Variants in MLPH observed in about 807,000 individuals in gnomAD.
MLPH encodes exophilin-3.
Under a neutral mutation model 72.1 loss-of-function variants are expected in MLPH, and 51 were observed. The observed-to-expected ratio is 0.71, with a 90% CI of 0.56 to 0.89. The LOEUF (loss-of-function observed/expected upper bound fraction) is 0.89. MLPH is among the 40% of genes least tolerant of loss of function. The probability of loss-of-function intolerance (pLI) is 0.00; values close to 1 mark genes in which losing one functional copy is unlikely to be tolerated. For missense variants in MLPH, 743 were observed against 759.9 expected, an observed-to-expected ratio of 0.98 and a Z score of 0.26; for synonymous variants, 301 against 310.1, an observed-to-expected ratio of 0.97 and a Z score of 0.31.
At chr2:237,509,123 A>C (rs983260389) in intron 2 of MLPH, among the ~76,000 whole-genome samples, 1 of 152,142 alleles carries the variant, frequency 6.6e-6, no homozygotes, top group South Asian at 2.1e-4. Flanking sequence ...GGTCTCCCCA[A>C]ATGGAGTCTT....
chr2:237,495,857 G>T (rs1371054595), intron 2 of MLPH, among the ~76,000 whole-genome samples: 1 of 152,194 alleles, frequency 6.6e-6, no homozygotes, highest in East Asian at 1.9e-4. Context: ...GCATGCAGCT[G>T]ACCGCAGGGC....
At position 237,505,478 on chromosome 2, in the gene MLPH, TC is replaced by T. The variant is rs979528278; in HGVS notation, c.111-5091del. Among the ~76,000 whole-genome samples, 15 of 152,054 alleles carry T rather than the reference TC, an allele frequency of 9.9e-5. No homozygotes were observed. The highest frequency in any genetic ancestry group is 3.9e-4 in the Admixed American group (6 of 15,276). On this transcript the variant is annotated intron_variant, in intron 2 of 15. Coordinates refer to ENST00000264605, the MANE Select transcript of MLPH (RefSeq NM_024101.7). This position sits in a 1 kb window ranked among gnomAD's most constrained non-coding sequence, Gnocchi z 4.5. ...CCACAGGACCCCTCATGCAGGCTCTTCCCCCGCCTGTGTGCTGGACCTTGGG... is the reference window on the plus strand; with the variant it reads ...CCACAGGACCCCTCATGCAGGCTCTTCCCCGCCTGTGTGCTGGACCTTGGG...
At chr2:237,551,617 C>T (rs1023258931) in intron 14 of MLPH, among the ~76,000 whole-genome samples, 1 of 152,236 alleles carries the variant, frequency 6.6e-6, no homozygotes. Flanking sequence ...AGCCATGGCC[C>T]CAGGAGGTGC....
intron 2 of MLPH, among the ~76,000 whole-genome samples, chr2:237,495,127 CCTCT>C (rs937653978): frequency 6.6e-6 from 1 of 152,158 alleles, no homozygotes; most frequent in Non-Finnish European, 1.5e-5. Flanking sequence ...TCTGCCACTG[CCTCT>C]CTCTCACCCT....
At chr2:237,542,538 C>T (rs959439987) in intron 11 of MLPH, 29 bp from the exon 12 acceptor site, 59 of 1,548,362 alleles carry the variant, frequency 3.8e-5, no homozygotes, top group East Asian at 2.3e-4. Context: ...GTCTGTCTGA[C>T]GGGCCTTCTG....
chr2:237,506,170 T>C (rs768816346), intron 2 of MLPH, among the ~76,000 whole-genome samples: 6 of 152,250 alleles, frequency 3.9e-5, no homozygotes, highest in African/African-American at 7.2e-5. Context: ...GTCATATCTA[T>C]TAATATTTAC....
chr2:237,542,687 A>C (rs1481299733), intron 12 of MLPH, 28 bp downstream of exon 12: 2 of 1,135,144 alleles, frequency 1.8e-6, no homozygotes, highest in African/African-American at 1.7e-5. Flanking sequence ...GTGAGTGGAG[A>C]CAGTGCTGAG....
intron 2 of MLPH, among the ~76,000 whole-genome samples, chr2:237,500,686 C>T (rs2079627120): frequency 6.6e-6 from 1 of 152,038 alleles, no homozygotes; most frequent in South Asian, 2.1e-4. Context: ...TTCTCCTCCA[C>T]CTCCAAGCAC....
chr2:237,504,958 G>A lies in MLPH; in HGVS notation c.111-5616G>A, dbSNP rs115853991. ...CCCACCCCTTGAGCAGCAAGACAGT[G>A]CAAGCTTCAGGGCTTCAGATCTCCC... is the stretch of plus-strand genomic sequence containing the variant. On this transcript the variant is annotated intron_variant, in intron 2 of 15. Coordinates refer to ENST00000264605, the MANE Select transcript of MLPH (RefSeq NM_024101.7). Among the ~76,000 whole-genome samples, 1,070 of 152,288 alleles carry A rather than the reference G, an allele frequency of 7.0e-3. 8 individuals are homozygous for A. Among genetic ancestry groups the A allele is most frequent in the African/African-American group, 0.024 (1,010 of 41,564 alleles).
At position 237,495,737 on chromosome 2, in the gene MLPH, C is replaced by T. The variant is rs544512327; in HGVS notation, c.110+2201C>T. Among the ~76,000 whole-genome samples the T allele has an allele frequency of 5.9e-5, 9 of 152,292 alleles. No individual in the cohort carries two copies. In the East Asian group the frequency reaches 9.7e-4, roughly 16 times the overall value. ...TTCATTATAGCCCAGGTTTCACCACCGGCCTCGGGGGAGGGCCCAACCTGC... is the reference window on the plus strand; with the variant it reads ...TTCATTATAGCCCAGGTTTCACCACTGGCCTCGGGGGAGGGCCCAACCTGC... On this transcript the variant is annotated intron_variant, in intron 2 of 15. Transcript: ENST00000264605.
chr2:237,530,860 A>G (rs7574337), intron 8 of MLPH, among the ~76,000 whole-genome samples: 68,160 of 152,148 alleles, frequency 0.45, 20,607 homozygotes, highest in African/African-American at 0.87. Flanking sequence ...ACCTGCAGGT[A>G]TGCTGAGCTC....
At chr2:237,552,557 C>A in intron 15 of MLPH, 120 bp downstream of exon 15, 1 of 861,336 alleles carries the variant, frequency 1.2e-6, no homozygotes. Context: ...AGATTCAGAC[C>A]TGAGAATCAA....
intron 2 of MLPH, among the ~76,000 whole-genome samples, chr2:237,493,913 G>C (rs935421642): frequency 6.6e-6 from 1 of 152,168 alleles, no homozygotes; most frequent in Non-Finnish European, 1.5e-5. Flanking sequence ...GACAGAGGCT[G>C]CCCTTCCACC....
At chr2:237,527,292 C>T in intron 7 of MLPH, 85 bp from the exon 8 acceptor site, 1 of 1,546,660 alleles carries the variant, frequency 6.5e-7, no homozygotes, top group Non-Finnish European at 8.9e-7. Flanking sequence ...TTTCTTTGAG[C>T]CTCATTTTTC....
intron 12 of MLPH, among the ~76,000 whole-genome samples, chr2:237,542,881 G>A (rs2080741629): frequency 2.0e-5 from 1 of 49,050 alleles, no homozygotes; most frequent in Non-Finnish European, 3.3e-5. Context: ...GGGGGACAGT[G>A]GTGAGTGGGC....
At chr2:237,515,435 G>A (rs1334194424) in intron 4 of MLPH, among the ~76,000 whole-genome samples, 1 of 152,186 alleles carries the variant, frequency 6.6e-6, no homozygotes, top group Admixed American at 6.5e-5. Flanking sequence ...GTGCCTCTGG[G>A]AGTGAAAACC....
intron 13 of MLPH, among the ~76,000 whole-genome samples, chr2:237,548,339 A>C (rs1043244244): frequency 6.6e-6 from 1 of 152,234 alleles, no homozygotes; most frequent in Non-Finnish European, 1.5e-5. Flanking sequence ...AGAAATTTCC[A>C]GGGGAATTTG....
At chr2:237,552,099 A>T (rs144499403) in intron 14 of MLPH, 4 of 494,788 alleles carry the variant, frequency 8.1e-6, no homozygotes, top group Non-Finnish European at 1.1e-5. Context: ...CCAGGGCCAC[A>T]GTGAGGAAGA....
At chr2:237,530,372 C>T (rs1167714345) in intron 8 of MLPH, among the ~76,000 whole-genome samples, 1 of 152,226 alleles carries the variant, frequency 6.6e-6, no homozygotes, top group African/African-American at 2.4e-5. Flanking sequence ...GAGAAATGAT[C>T]TACCAAAAAT....
Sources: allele counts gnomAD v4.1 joint callset (sites outside exome capture counted in the v4.1 genomes callset), GRCh38; gene constraint gnomAD v4.1.1; non-coding constraint Gnocchi (gnomAD v3.1); transcripts MANE v1.5; gene names NCBI Gene and HGNC (gene_info 2026-07-23, HGNC 2026-07-21).